Variants in SUSD1 observed in about 807,000 individuals in gnomAD.
The protein encoded by SUSD1 is sushi domain-containing protein 1.
In SUSD1, 65 loss-of-function variants were observed where a neutral mutation model predicts 86.9. The ratio of observed to expected loss-of-function variants is 0.75; its 90% confidence interval spans 0.61 to 0.92. The LOEUF is 0.92. Among genes scored for constraint, SUSD1 ranks in the 40% least tolerant of loss-of-function variants. The pLI is 0.00. For missense variants in SUSD1, 850 were observed against 929.7 expected, an observed-to-expected ratio of 0.91 and a Z score of 1.11; for synonymous variants, 346 against 350.0, an observed-to-expected ratio of 0.99 and a Z score of 0.13.
At chr9:112,161,881 G>A (rs1833587541) in intron 1 of SUSD1, among the ~76,000 whole-genome samples, 1 of 151,508 alleles carries the variant, frequency 6.6e-6, no homozygotes, top group Admixed American at 6.6e-5. Context: ...TAGTGTTTCA[G>A]TTTGGGATGA....
intron 15 of SUSD1, among the ~76,000 whole-genome samples, chr9:112,045,983 G>A (rs1397621994): frequency 1.3e-5 from 2 of 152,164 alleles, no homozygotes; most frequent in African/African-American, 4.8e-5. Context: ...TCCACCAGCA[G>A]GATCTACCTG....
chr9:112,062,730 AAAG>A (rs1828787109), intron 13 of SUSD1, among the ~76,000 whole-genome samples: 3 of 152,192 alleles, frequency 2.0e-5, no homozygotes, highest in Admixed American at 6.5e-5. Context: ...ATTTTAAAAA[AAAG>A]AAGTCTCTCT....
intron 5 of SUSD1, among the ~76,000 whole-genome samples, chr9:112,126,663 T>C (rs1831788682): frequency 6.6e-6 from 1 of 152,238 alleles, no homozygotes; most frequent in African/African-American, 2.4e-5. Context: ...ATTAAACGCA[T>C]GGTTCTAACA....
chr9:112,121,654 A>G (rs113225945), intron 6 of SUSD1, among the ~76,000 whole-genome samples: 48 of 152,184 alleles, frequency 3.2e-4, no homozygotes, highest in African/African-American at 1.1e-3. Flanking sequence ...AGAATTTCCG[A>G]TGGAAAATGT....
chr9:112,112,555 G>A (rs1831144688), intron 7 of SUSD1, among the ~76,000 whole-genome samples: 2 of 151,964 alleles, frequency 1.3e-5, no homozygotes, highest in South Asian at 2.1e-4. Context: ...AGAATCGCTT[G>A]AACCCGGGAG....
At chr9:112,077,927 A>T (rs1386471718) in intron 12 of SUSD1, among the ~76,000 whole-genome samples, 1 of 152,222 alleles carries the variant, frequency 6.6e-6, no homozygotes, top group Admixed American at 6.5e-5. Flanking sequence ...CAGAAGCTAT[A>T]CAACCAACAC....
intron 8 of SUSD1, 90 bp downstream of exon 8, chr9:112,111,564 G>T: frequency 6.7e-7 from 1 of 1,489,428 alleles, no homozygotes; most frequent in Non-Finnish European, 9.0e-7. Context: ...GCAAATAGGA[G>T]CTCTCCAGCC....
intron 10 of SUSD1, among the ~76,000 whole-genome samples, chr9:112,096,437 G>A (rs1830397033): frequency 6.6e-6 from 1 of 152,162 alleles, no homozygotes; most frequent in Admixed American, 6.5e-5. Flanking sequence ...CCACTCAGCA[G>A]GACACTCTGG....
At chr9:112,077,177 G>C (rs571103348) in intron 12 of SUSD1, among the ~76,000 whole-genome samples, 1 of 152,136 alleles carries the variant, frequency 6.6e-6, no homozygotes, top group Non-Finnish European at 1.5e-5. Context: ...GTATTGAGGG[G>C]AAGTGCTGAT....
At chr9:112,135,105 GA>G (rs1420476324) in intron 5 of SUSD1, among the ~76,000 whole-genome samples, 2 of 151,590 alleles carry the variant, frequency 1.3e-5, no homozygotes, top group Non-Finnish European at 2.9e-5. Context: ...AAGCATAAAA[GA>G]AAAATGGGAG....
At chr9:112,129,116 T>C (rs1190392674) in intron 5 of SUSD1, among the ~76,000 whole-genome samples, 1 of 152,060 alleles carries the variant, frequency 6.6e-6, no homozygotes, top group Non-Finnish European at 1.5e-5. Flanking sequence ...AGAGAGATGA[T>C]AGGGTCTTGG....
At chr9:112,143,664 G>GA in intron 3 of SUSD1, 41 bp from the exon 4 acceptor site, 3 of 1,476,422 alleles carry the variant, frequency 2.0e-6, no homozygotes, top group Non-Finnish European at 1.8e-6. Context: ...GATAAAAACA[G>GA]AAAAAAGAAA....
intron 2 of SUSD1, among the ~76,000 whole-genome samples, chr9:112,152,900 A>T (rs115372226): frequency 0.028 from 4,203 of 151,124 alleles, 165 homozygotes; most frequent in Admixed American, 0.11. Flanking sequence ...GACCACAGGT[A>T]CCTGCCACCA....
At position 112,042,306 on chromosome 9, in the gene SUSD1, T is replaced by C. The variant is rs1412094085; in HGVS notation, c.2150-346A>G. The C allele has an allele frequency of 6.8e-6, 5 of 738,738 alleles. No individual in the cohort carries two copies. In the East Asian group the frequency reaches 1.4e-4, roughly 20 times the overall value. 45.8% of individuals were successfully genotyped at this position (738,738 alleles called of 1,614,324 possible). Reference sequence around the variant, plus strand: ...ATCAATTACATTTGATAGATTTTTATGGGCCGTTTTCTTTTGCATGGAGGG... The same window carrying C: ...ATCAATTACATTTGATAGATTTTTACGGGCCGTTTTCTTTTGCATGGAGGG... On this transcript the variant is annotated intron_variant, in intron 15 of 16. Transcript: ENST00000374270.
At chr9:112,072,770 C>A (rs1436044969) in intron 12 of SUSD1, among the ~76,000 whole-genome samples, 1 of 152,200 alleles carries the variant, frequency 6.6e-6, no homozygotes, top group Admixed American at 6.5e-5. Flanking sequence ...GCAAACATGC[C>A]TCTCCTAGCG....
chr9:112,065,320 T>G (rs1828929102), intron 12 of SUSD1, among the ~76,000 whole-genome samples: 1 of 152,042 alleles, frequency 6.6e-6, no homozygotes, highest in Admixed American at 6.6e-5. Context: ...GTCAGGAGTT[T>G]GAGACTAGCC....
intron 1 of SUSD1, among the ~76,000 whole-genome samples, chr9:112,167,987 C>T (rs199723926): frequency 2.6e-5 from 4 of 152,234 alleles, no homozygotes; most frequent in Admixed American, 6.5e-5. Context: ...TTCACTACCA[C>T]GAGAACAGTA....
At chr9:112,060,904 G>T (rs1327849735) in intron 13 of SUSD1, among the ~76,000 whole-genome samples, 1 of 152,164 alleles carries the variant, frequency 6.6e-6, no homozygotes, top group Non-Finnish European at 1.5e-5. Context: ...GCTCACCTGT[G>T]CCCATTTGGT....
At chr9:112,169,845 T>C (rs1421915129) in intron 1 of SUSD1, among the ~76,000 whole-genome samples, 1 of 152,078 alleles carries the variant, frequency 6.6e-6, no homozygotes, top group African/African-American at 2.4e-5. Context: ...CCGCTAATTT[T>C]TGCATTTTTA....
Sources: gnomAD v4.1 joint callset for allele counts (sites outside exome capture counted in the v4.1 genomes callset) on GRCh38, gnomAD v4.1.1 for gene constraint, MANE v1.5 for transcripts, NCBI Gene and HGNC (gene_info 2026-07-23, HGNC 2026-07-21) for gene names.